ZNF487: variants seen among roughly 807,000 people sequenced by gnomAD.
ZNF487 encodes KRAB domain only 1.
In ZNF487, 4 loss-of-function variants were observed where a neutral mutation model predicts 3.0. The observed-to-expected ratio is 1.35, with a 90% CI of 0.66 to 3.08. The LOEUF (loss-of-function observed/expected upper bound fraction) is 3.08. Ranked by LOEUF, ZNF487 falls within the 30% of genes most tolerant of loss-of-function variation. The pLI is 0.01. For synonymous variants in ZNF487, 55 were observed against 34.6 expected, an observed-to-expected ratio of 1.59 and a Z score of -2.06; for missense variants, 146 against 98.7, an observed-to-expected ratio of 1.48 and a Z score of -2.03.
intron 1 of ZNF487, among the ~76,000 whole-genome samples, chr10:43,455,458 G>A (rs1379221836): frequency 6.6e-6 from 1 of 152,250 alleles, no homozygotes; most frequent in Non-Finnish European, 1.5e-5. Flanking sequence ...CTGCGCCGTG[G>A]GTTCGCTCGC....
intron 1 of ZNF487, among the ~76,000 whole-genome samples, chr10:43,437,746 T>C (rs1370412597): frequency 6.6e-6 from 1 of 152,212 alleles, no homozygotes; most frequent in Non-Finnish European, 1.5e-5. Flanking sequence ...TCTTTGAACT[T>C]TTTTCCTCCG....
chr10:43,461,400 C>G (rs1056636403), intron 1 of ZNF487, among the ~76,000 whole-genome samples: 2 of 151,932 alleles, frequency 1.3e-5, no homozygotes, highest in African/African-American at 4.8e-5. Flanking sequence ...ACTCACCTCT[C>G]CCTTGAACTC....
chr10:43,474,453 T>C (rs1841021168), intron 1 of ZNF487, among the ~76,000 whole-genome samples: 1 of 151,404 alleles, frequency 6.6e-6, no homozygotes, highest in South Asian at 2.1e-4. Flanking sequence ...GAGCCCCATG[T>C]ACTTGGGAGG....
intron 3 of ZNF487, among the ~76,000 whole-genome samples, 197 bp downstream of exon 3, chr10:43,476,399 T>C (rs1841102551): frequency 6.6e-6 from 1 of 152,232 alleles, no homozygotes; most frequent in African/African-American, 2.4e-5. Flanking sequence ...AACAGCTAAA[T>C]GGTCTTTGTT....
At chr10:43,438,948 A>G (rs939318550) in intron 1 of ZNF487, among the ~76,000 whole-genome samples, 1 of 151,940 alleles carries the variant, frequency 6.6e-6, no homozygotes, top group Non-Finnish European at 1.5e-5. Context: ...GAATACAAAA[A>G]TTAGCTGGGC....
Position 43,475,843 on chromosome 10 carries a change from AG to A in ZNF487, c.31del (p.Val11TrpfsTer23), listed in dbSNP as rs1377349164. MLENYSLLLS[V>X]GYCITKPEVV... ...TGGAGAACTACAGCCTCCTCCTCTC[AG>A]TGGGTAAGGATTATGTAATTTGCAG... On this transcript the variant is annotated frameshift_variant, in exon 2 of 4. Transcript: ENST00000437590. LOFTEE classifies it high-confidence loss of function. 3.9e-6 allele frequency: 3 copies of A among 776,562 alleles called. No individual in the cohort carries two copies. Among genetic ancestry groups the A allele is most frequent in the Non-Finnish European group, 7.2e-6 (3 of 416,348 alleles). The allele number at this position is 776,562 out of a possible 1,614,324, so 48.1% of individuals were successfully genotyped here.
the ZNF487 span, among the ~76,000 whole-genome samples, chr10:43,506,620 G>T: frequency 6.6e-6 from 1 of 152,150 alleles, no homozygotes; most frequent in Non-Finnish European, 1.5e-5. Context: ...GCATCCTCCT[G>T]CAGGAACTAG....
chr10:43,457,949 G>A (rs1589033130), intron 1 of ZNF487: 2 of 152,174 alleles, frequency 1.3e-5, no homozygotes, highest in Middle Eastern at 3.3e-3. Flanking sequence ...CTGAACCCGG[G>A]AGGCGGAGCT....
intron 1 of ZNF487, among the ~76,000 whole-genome samples, chr10:43,440,447 A>T (rs140346270): frequency 6.6e-6 from 1 of 152,132 alleles, no homozygotes; most frequent in East Asian, 2.0e-4. Flanking sequence ...ACCTGAGATC[A>T]GCAGTTTGAG....
At chr10:43,504,208 T>A in the ZNF487 span, among the ~76,000 whole-genome samples, 1 of 152,258 alleles carries the variant, frequency 6.6e-6, no homozygotes, top group Admixed American at 6.5e-5. Context: ...GTGGTTTTTG[T>A]TTTGTATATG....
chr10:43,473,680 C>G (rs1405785116), intron 1 of ZNF487, among the ~76,000 whole-genome samples: 1 of 151,370 alleles, frequency 6.6e-6, no homozygotes, highest in Non-Finnish European at 1.5e-5. Flanking sequence ...TTTTTTTTCC[C>G]CAGACCCAAA....
intron 1 of ZNF487, among the ~76,000 whole-genome samples, chr10:43,466,694 C>T (rs1403578837): frequency 6.6e-6 from 1 of 152,184 alleles, no homozygotes; most frequent in Admixed American, 6.5e-5. Flanking sequence ...AGCCACCATG[C>T]CCAGCTGGTT....
At chr10:43,461,208 T>C (rs1000702339) in intron 1 of ZNF487, among the ~76,000 whole-genome samples, 5 of 152,136 alleles carry the variant, frequency 3.3e-5, no homozygotes, top group African/African-American at 1.2e-4. Flanking sequence ...GGTTTCATCA[T>C]GTTTGTCAGG....
chr10:43,485,182 T>C (rs865968597), downstream of ZNF487, among the ~76,000 whole-genome samples: 4 of 152,334 alleles, frequency 2.6e-5, no homozygotes, highest in Middle Eastern at 3.4e-3. Flanking sequence ...GTGAGTTGTT[T>C]AGTTGTTATT....
At chr10:43,476,613 G>A (rs893108291) in intron 3 of ZNF487, among the ~76,000 whole-genome samples, 1 of 152,186 alleles carries the variant, frequency 6.6e-6, no homozygotes, top group Non-Finnish European at 1.5e-5. Flanking sequence ...TATGTTGGTA[G>A]AAGAGAATGA....
At chr10:43,511,560 G>A in the ZNF487 span, among the ~76,000 whole-genome samples, 2 of 152,138 alleles carry the variant, frequency 1.3e-5, no homozygotes, top group South Asian at 2.1e-4. Context: ...CTGATCACCC[G>A]AGGAATGGTG....
At chr10:43,496,959 G>A in the ZNF487 span, among the ~76,000 whole-genome samples, 2 of 152,064 alleles carry the variant, frequency 1.3e-5, no homozygotes, top group Non-Finnish European at 2.9e-5. Context: ...TAGAATAATC[G>A]GTCTGTTTTC....
chr10:43,487,963 G>A (rs890732287), downstream of ZNF487, among the ~76,000 whole-genome samples: 13 of 135,896 alleles, frequency 9.6e-5, no homozygotes, highest in South Asian at 4.8e-4. Flanking sequence ...AAAATTAGCC[G>A]GGCATGGTGG....
chr10:43,445,764 GAA>G (rs1839773925), intron 1 of ZNF487, among the ~76,000 whole-genome samples: 1 of 152,004 alleles, frequency 6.6e-6, no homozygotes, highest in Non-Finnish European at 1.5e-5. Context: ...ATAGAGGAGA[GAA>G]GTTCAGCAGA....
Sources: gnomAD v4.1 joint callset for allele counts (sites outside exome capture counted in the v4.1 genomes callset) on GRCh38, gnomAD v4.1.1 for gene constraint, MANE v1.5 for transcripts, NCBI Gene and HGNC (gene_info 2026-07-23, HGNC 2026-07-21) for gene names.